Variants in RASAL2 observed in about 807,000 individuals in gnomAD.
The protein encoded by RASAL2 is ras GTPase-activating protein nGAP.
RASAL2 carries 58 observed loss-of-function variants against 128.9 expected under a neutral mutation model. The ratio of observed to expected loss-of-function variants is 0.45; its 90% CI spans 0.36 to 0.56. The LOEUF is 0.56. Ranked by LOEUF, RASAL2 falls within the 20% of genes least tolerant of loss-of-function variation. The pLI is 0.00. For synonymous variants in RASAL2, 561 were observed against 580.8 expected (o/e 0.97, Z 0.49); for missense variants, 1,360 against 1,601.6 (o/e 0.85, Z 2.57).
chr1:178,153,451 C>T (rs1340617187), intron 1 of RASAL2, among the ~76,000 whole-genome samples: 1 of 152,154 alleles, frequency 6.6e-6, no homozygotes, highest in African/African-American at 2.4e-5. Flanking sequence ...AAACTTTGTG[C>T]CTATTTATAG....
chr1:178,452,903 G>C (rs889361912), intron 11 of RASAL2, among the ~76,000 whole-genome samples: 4 of 151,902 alleles, frequency 2.6e-5, no homozygotes, highest in Admixed American at 2.0e-4. Context: ...TAATAATATA[G>C]AGCATGAAGA....
intron 1 of RASAL2, among the ~76,000 whole-genome samples, chr1:178,164,260 G>T (rs1558089976): frequency 6.6e-6 from 1 of 151,924 alleles, no homozygotes; most frequent in Admixed American, 6.6e-5. Flanking sequence ...TCTAGGGGCT[G>T]GTCAAAAATG....
At chr1:178,407,302 G>A (rs979824131) in intron 4 of RASAL2, among the ~76,000 whole-genome samples, 4 of 152,114 alleles carry the variant, frequency 2.6e-5, no homozygotes, top group African/African-American at 7.2e-5. Context: ...AAACTTGAAC[G>A]TTTTCAGTTA....
At chr1:178,214,658 A>T (rs932201645) in intron 1 of RASAL2, among the ~76,000 whole-genome samples, 1 of 151,016 alleles carries the variant, frequency 6.6e-6, no homozygotes, top group African/African-American at 2.4e-5. Context: ...TCCTGGGTTC[A>T]TGCCATTCTC....
chr1:178,107,510 T>G (rs1031075750), intron 1 of RASAL2, among the ~76,000 whole-genome samples: 9 of 152,304 alleles, frequency 5.9e-5, no homozygotes, highest in Non-Finnish European at 8.8e-5. Context: ...CTATATTTAA[T>G]AAGTATACAA....
At chr1:178,261,303 T>C (rs962817847) in intron 1 of RASAL2, among the ~76,000 whole-genome samples, 6 of 152,220 alleles carry the variant, frequency 3.9e-5, no homozygotes, top group African/African-American at 1.4e-4. Context: ...TATTTAGGCC[T>C]ACCTCTGGAT....
intron 1 of RASAL2, among the ~76,000 whole-genome samples, chr1:178,219,663 A>G (rs531829187): frequency 6.6e-5 from 10 of 152,046 alleles, no homozygotes; most frequent in East Asian, 3.9e-4. Context: ...AAAGAAAGAA[A>G]GAAAAATAAT....
rs530908948 is a variant in RASAL2 at position 178,452,661 on chromosome 1, T to C, written c.2009+9T>C. ...CTGGCCAACTTTGCCAAGTAGGTGA[T>C]ACTGTTGTAACCACTTTAAAAACAC... On this transcript the variant is annotated intron_variant, in intron 11 of 17. Coordinates refer to ENST00000367649, the MANE Select transcript of RASAL2 (RefSeq NM_170692.4). 4.4e-6 allele frequency: 7 copies of C among 1,594,754 alleles called. No homozygotes were observed. In the African/African-American group the frequency reaches 9.4e-5, roughly 21 times the overall value.
At chr1:178,138,459 A>T (rs980041432) in intron 1 of RASAL2, among the ~76,000 whole-genome samples, 1 of 152,160 alleles carries the variant, frequency 6.6e-6, no homozygotes, top group African/African-American at 2.4e-5. Flanking sequence ...TTTATCATAC[A>T]CACTAAGGCA....
At chr1:178,419,401 G>A (rs1368162385) in intron 4 of RASAL2, among the ~76,000 whole-genome samples, 2 of 152,078 alleles carry the variant, frequency 1.3e-5, no homozygotes, top group South Asian at 2.1e-4. Flanking sequence ...ATCCTCCTGA[G>A]TAGCTGGGAC....
At position 178,432,554 on chromosome 1, in the gene RASAL2, C is replaced by T. The variant is rs1402717064; in HGVS notation, c.675-6868C>T. Among the ~76,000 whole-genome samples the T allele has an allele frequency of 2.6e-5, 4 of 152,094 alleles. 1 individual carries two copies. Among genetic ancestry groups the T allele is most frequent in the Non-Finnish European group, 5.9e-5 (4 of 68,000 alleles). ...GTTTCACTGTTCACATCTACCCCGA[C>T]AGGAACCTCAAACTCAACTTGTATA... On this transcript the variant is annotated intron_variant, in intron 5 of 17. Transcript: ENST00000367649.
intron 1 of RASAL2, among the ~76,000 whole-genome samples, chr1:178,201,166 G>A (rs1200061414): frequency 1.3e-5 from 2 of 152,206 alleles, no homozygotes; most frequent in Non-Finnish European, 2.9e-5. Flanking sequence ...GGATGATGGT[G>A]GATGGAACGT....
chr1:178,451,119 C>T (rs1278643625), intron 9 of RASAL2, among the ~76,000 whole-genome samples: 1 of 152,152 alleles, frequency 6.6e-6, no homozygotes, highest in Non-Finnish European at 1.5e-5. Flanking sequence ...TAGATCCTTA[C>T]TTGCATCCGT....
At chr1:178,271,763 T>C (rs1666270711) in intron 1 of RASAL2, among the ~76,000 whole-genome samples, 1 of 152,230 alleles carries the variant, frequency 6.6e-6, no homozygotes, top group Admixed American at 6.5e-5. Context: ...CCATTATTCA[T>C]AGGATAAAAA....
At chr1:178,345,906 G>T (rs1259816025) in intron 3 of RASAL2, among the ~76,000 whole-genome samples, 3 of 152,156 alleles carry the variant, frequency 2.0e-5, no homozygotes, top group African/African-American at 7.2e-5. Flanking sequence ...CGAAGAGTGT[G>T]TCCAGTATGA....
chr1:178,094,578 T>G lies in RASAL2; in HGVS notation c.86T>G (p.Leu29Arg). The change falls in exon 1 of 18, where the codon CTG becomes CGG. Residue 29 changes from leucine to arginine, a missense_variant. Coordinates refer to ENST00000367649, the MANE Select transcript of RASAL2 (RefSeq NM_170692.4). ...CCGGCGCTGGAGTCCGACTCGCCGC[T>G]GCCCCCGGAGGACCTGGACGCGGTT... ...MFPALESDSPLPPEDLDAVVP... is the reference protein window; with the variant it reads ...MFPALESDSPRPPEDLDAVVP... The G allele has an allele frequency of 6.2e-7, 1 of 1,606,578 alleles. No homozygotes were observed. Among genetic ancestry groups the G allele is most frequent in the Non-Finnish European group, 8.5e-7 (1 of 1,176,752 alleles).
At chr1:178,240,302 G>C (rs1241320726) in intron 1 of RASAL2, among the ~76,000 whole-genome samples, 4 of 152,004 alleles carry the variant, frequency 2.6e-5, no homozygotes, top group African/African-American at 9.7e-5. Context: ...TTTGAATAAT[G>C]CTTTCCTGTT....
chr1:178,471,533 T>C (rs1648274480), intron 17 of RASAL2, among the ~76,000 whole-genome samples: 1 of 152,224 alleles, frequency 6.6e-6, no homozygotes, highest in South Asian at 2.1e-4. Context: ...TGATTTTGTA[T>C]ATCTTACCAC....
chr1:178,186,859 T>G (rs961816814), intron 1 of RASAL2, among the ~76,000 whole-genome samples: 1 of 152,046 alleles, frequency 6.6e-6, no homozygotes, highest in African/African-American at 2.4e-5. Context: ...GGTCTCTCTG[T>G]GTTGCCCATG....
Sources: allele counts gnomAD v4.1 joint callset (sites outside exome capture counted in the v4.1 genomes callset), GRCh38; gene constraint gnomAD v4.1.1; transcripts MANE v1.5; gene names NCBI Gene and HGNC (gene_info 2026-07-23, HGNC 2026-07-21).